The following NOX1 variants were observed in gnomAD, a reference collection of about 807,000 sequenced individuals.
NOX1 encodes NADPH oxidase 1.
A neutral mutation model predicts 42.5 loss-of-function variants in NOX1; 34 were observed. The observed-to-expected ratio is 0.80, with a 90% CI of 0.61 to 1.07. The LOEUF is 1.07. Ranked by LOEUF, NOX1 falls within the 50% of genes least tolerant of loss-of-function variation. NOX1 has a pLI of 0.00. For missense variants in NOX1, 408 were observed against 427.0 expected (o/e 0.96, Z 0.39); for synonymous variants, 143 against 152.5 (o/e 0.94, Z 0.46).
intron 2 of NOX1, among the ~76,000 whole-genome samples, chrX:100,868,176 C>G (rs1349591234): frequency 9.0e-6 from 1 of 111,670 alleles, no homozygotes; most frequent in African/African-American, 3.3e-5. Flanking sequence ...AAATGGAAAA[C>G]AGCAGGGTGA....
intron 2 of NOX1, among the ~76,000 whole-genome samples, chrX:100,869,485 T>G (rs2085259395): frequency 9.1e-6 from 1 of 109,738 alleles, no homozygotes; most frequent in African/African-American, 3.3e-5. Flanking sequence ...TGTATAAGAA[T>G]GCTTGTGATT....
At chrX:100,846,530 C>A (rs760979475) in intron 12 of NOX1, among the ~76,000 whole-genome samples, 16 of 111,397 alleles carry the variant, frequency 1.4e-4, no homozygotes, top group Non-Finnish European at 2.4e-4. Flanking sequence ...TGTGACACCA[C>A]TTCTCTGTGT....
intron 8 of NOX1, among the ~76,000 whole-genome samples, 185 bp downstream of exon 8, chrX:100,851,048 C>T (rs760504538): frequency 7.9e-4 from 87 of 110,233 alleles, no homozygotes; most frequent in African/African-American, 2.5e-3. Context: ...CCATGTTGGC[C>T]GGGCTGGTCT....
At chrX:100,865,941 C>T (rs2085233732) in intron 2 of NOX1, among the ~76,000 whole-genome samples, 1 of 112,428 alleles carries the variant, frequency 8.9e-6, no homozygotes, top group African/African-American at 3.2e-5. Flanking sequence ...ATATCTGAGG[C>T]TGGGAGCAGT....
At chrX:100,859,666 G>A (rs2085190051) in intron 7 of NOX1, among the ~76,000 whole-genome samples, 1 of 108,383 alleles carries the variant, frequency 9.2e-6, no homozygotes, top group Admixed American at 9.9e-5. Context: ...CTGGTCTTGC[G>A]AGGTTGTATG....
At chrX:100,867,101 C>T (rs1748446254) in intron 2 of NOX1, among the ~76,000 whole-genome samples, 2 of 111,826 alleles carry the variant, frequency 1.8e-5, no homozygotes, top group Admixed American at 9.5e-5. Context: ...GGCGCGATCT[C>T]GGCTCACTGC....
intron 6 of NOX1, 27 bp downstream of exon 6, chrX:100,862,365 A>T (rs777829608): frequency 2.5e-6 from 3 of 1,207,434 alleles, no homozygotes; most frequent in Non-Finnish European, 3.4e-6. Context: ...GGGCTGGGGC[A>T]TGAGAATGAG....
In NOX1 at chrX:100,862,669, C is replaced by T. The variant is rs192657375; in HGVS notation, c.489G>A (p.Thr163=). 6.7e-5 allele frequency: 80 copies of T among 1,191,629 alleles called. No individual in the cohort carries two copies. The Middle Eastern group carries it at 7.0e-4, about 10-fold the overall frequency. Residue 163 remains threonine (T), a splice_region_variant and synonymous_variant, in exon 5 of 13, where the codon ACG becomes ACA. Transcript: ENST00000372966. ...SWLNPIQSRN[T]TVEYVTFTSI... ...ATGCTTTGCTAGAAAGTCAACTCAC[C>T]GTGTTTCGGGACTGGATGGGATTTA...
At chrX:100,854,965 G>A (rs1378409841) in intron 7 of NOX1, among the ~76,000 whole-genome samples, 3 of 97,998 alleles carry the variant, frequency 3.1e-5, no homozygotes, top group African/African-American at 7.9e-5. Flanking sequence ...AAAAAAAAAA[G>A]ACATTTATTC....
In NOX1 at chrX:100,863,178, A is replaced by G; in HGVS notation, c.318T>C (p.Tyr106=). ...HNLTFHKLVA[Y]MICLHTAIHI... ...AGTTACCTGTATGTAGGCAGATCATATAGGCCACCAGCTTGTGGAAGGTGA... is the reference window on the plus strand; with the variant it reads ...AGTTACCTGTATGTAGGCAGATCATGTAGGCCACCAGCTTGTGGAAGGTGA... Residue 106 remains tyrosine (Y), a synonymous_variant, in exon 4 of 13, where the codon TAT becomes TAC. Coordinates refer to ENST00000372966, the MANE Select transcript of NOX1 (RefSeq NM_007052.5). 1 of 1,206,068 alleles carries G rather than the reference A, an allele frequency of 8.3e-7. No homozygotes were observed. The highest frequency in any genetic ancestry group is 1.1e-6 in the Non-Finnish European group (1 of 890,189).
At chrX:100,852,189 C>T (rs1325552308) in intron 7 of NOX1, among the ~76,000 whole-genome samples, 1 of 112,132 alleles carries the variant, frequency 8.9e-6, no homozygotes, top group Non-Finnish European at 1.9e-5. Context: ...AGCTTTTTGG[C>T]CAGGCGCAGT....
At chrX:100,852,698 G>A (rs1043250284) in intron 7 of NOX1, among the ~76,000 whole-genome samples, 1 of 111,794 alleles carries the variant, frequency 8.9e-6, no homozygotes, top group East Asian at 2.8e-4. Flanking sequence ...GGAAGGAAGA[G>A]GCAGAGATGG....
intron 12 of NOX1, among the ~76,000 whole-genome samples, chrX:100,847,975 T>C (rs907983165): frequency 1.8e-5 from 2 of 110,358 alleles, no homozygotes; most frequent in Non-Finnish European, 3.8e-5. Flanking sequence ...ATACCTTTGT[T>C]ACTTTAAGTA....
In NOX1 at chrX:100,851,291, T is replaced by C. The variant is rs148147755; in HGVS notation, c.839A>G (p.Tyr280Cys). 28 of 1,192,939 alleles carry C rather than the reference T, an allele frequency of 2.3e-5. No homozygotes were observed. The African/African-American group carries it at 3.7e-4, about 16-fold the overall frequency. ...AAACCGGAGGATCCTTTCACAGATA[T>C]AAAGAATGACCGGTGCAAGGATCCA... is the stretch of plus-strand genomic sequence containing the variant. ...WKWILAPVILYICERILRFYR... is the reference protein window; with the variant it reads ...WKWILAPVILCICERILRFYR... The change falls in exon 8 of 13, where the codon TAT becomes TGT. Residue 280 changes from tyrosine to cysteine, a missense_variant. Transcript: ENST00000372966.
intron 7 of NOX1, among the ~76,000 whole-genome samples, chrX:100,853,304 T>C (rs5921673): frequency 1.7e-4 from 13 of 78,376 alleles, no homozygotes; most frequent in African/African-American, 5.5e-4. Context: ...CTTTCTTTCT[T>C]TCTTTCTTTC....
At chrX:100,853,298 C>CTTTCTTTCTTTCT (rs2085135281) in intron 7 of NOX1, among the ~76,000 whole-genome samples, 2 of 66,780 alleles carry the variant, frequency 3.0e-5, no homozygotes, top group African/African-American at 1.3e-4. Context: ...TTCTTTCTTT[C>CTTTCTTTCTTTCT]TTTCTTTCTT....
chrX:100,861,183 C>T (rs920968563), intron 7 of NOX1, among the ~76,000 whole-genome samples: 9 of 111,416 alleles, frequency 8.1e-5, no homozygotes, highest in African/African-American at 2.9e-4. Flanking sequence ...GGTTTTTTTG[C>T]TTCATGTATC....
At chrX:100,855,774 C>T (rs1219604344) in intron 7 of NOX1, 3 of 1,051,305 alleles carry the variant, frequency 2.9e-6, no homozygotes, top group East Asian at 3.0e-5. Flanking sequence ...TTCATTCCCA[C>T]CAAAACCACC....
chrX:100,866,644 C>G (rs1180941417), intron 2 of NOX1, among the ~76,000 whole-genome samples: 4 of 109,921 alleles, frequency 3.6e-5, no homozygotes, highest in Non-Finnish European at 5.7e-5. Flanking sequence ...TTGCACCAAA[C>G]TAATATGTGC....
Sources: gnomAD v4.1 joint callset for allele counts (sites outside exome capture counted in the v4.1 genomes callset) on GRCh38, gnomAD v4.1.1 for gene constraint, MANE v1.5 for transcripts, NCBI Gene and HGNC (gene_info 2026-07-23, HGNC 2026-07-21) for gene names.